ZNG1F: variants seen among roughly 807,000 people sequenced by gnomAD.
ZNG1F encodes zinc-regulated GTPase metalloprotein activator 1F.
chr9:41,174,236 A>AAAG, the ZNG1F span: 1 of 441,748 alleles, frequency 2.3e-6, no homozygotes, highest in Non-Finnish European at 3.2e-6. Context: ...GTCTCAGAAA[A>AAAG]AAAAAAAAAA....
the ZNG1F span, chr9:41,158,638 C>A: frequency 1.6e-5 from 1 of 60,870 alleles, no homozygotes. Context: ...CACTCTTTTA[C>A]AGAAAATAAT....
At chr9:41,145,646 T>C in the ZNG1F span, 335 of 61,310 alleles carry the variant, frequency 5.5e-3, 34 homozygotes, top group African/African-American at 0.015. Context: ...TTCCAACAGG[T>C]TTAATACAAA....
the ZNG1F span, chr9:41,174,427 T>C: frequency 6.3e-7 from 1 of 1,582,474 alleles, no homozygotes; most frequent in Non-Finnish European, 8.5e-7. Flanking sequence ...ATGTTTTAAT[T>C]TGCCCTGATA....
At chr9:41,165,060 G>A in the ZNG1F span, 13 of 1,579,400 alleles carry the variant, frequency 8.2e-6, no homozygotes, top group Admixed American at 1.7e-5. Flanking sequence ...TTTTATTAAT[G>A]AGAATGATAT....
the ZNG1F span, among the ~76,000 whole-genome samples, chr9:41,200,825 A>T: frequency 1.3e-5 from 2 of 152,136 alleles, no homozygotes; most frequent in East Asian, 3.9e-4. Flanking sequence ...ACCTTTTTAA[A>T]ACCATCAGAT....
At chr9:41,165,105 A>C in the ZNG1F span, 5 of 1,555,988 alleles carry the variant, frequency 3.2e-6, no homozygotes, top group Admixed American at 3.5e-5. Context: ...AGCAAACAAA[A>C]AGAAATGTTA....
At chr9:41,183,217 C>A in the ZNG1F span, among the ~76,000 whole-genome samples, 1 of 87,404 alleles carries the variant, frequency 1.1e-5, no homozygotes, top group South Asian at 2.8e-4. Context: ...TTTTGATAGT[C>A]ATTTTTTTTT....
chr9:41,184,861 GA>G, the ZNG1F span, among the ~76,000 whole-genome samples: 7 of 108,642 alleles, frequency 6.4e-5, no homozygotes, highest in East Asian at 1.1e-3. Context: ...ATAAGATGAT[GA>G]AAAAAACAGT....
At chr9:41,183,547 G>A in the ZNG1F span, 7 of 1,583,254 alleles carry the variant, frequency 4.4e-6, 1 homozygote, top group African/African-American at 5.7e-5. Context: ...CATGTACACA[G>A]TAAACACATT....
chr9:41,149,615 A>T, the ZNG1F span, among the ~76,000 whole-genome samples: 1 of 148,814 alleles, frequency 6.7e-6, no homozygotes, highest in Non-Finnish European at 1.5e-5. Context: ...TGTGTCAGGT[A>T]ATTAAAATAG....
the ZNG1F span, among the ~76,000 whole-genome samples, chr9:41,169,854 T>TG: frequency 1.4e-4 from 20 of 144,310 alleles, no homozygotes; most frequent in Non-Finnish European, 2.0e-4. Context: ...TCAATAAAGC[T>TG]GGGGGGTTAG....
At chr9:41,169,772 GATA>G in the ZNG1F span, among the ~76,000 whole-genome samples, 1 of 148,224 alleles carries the variant, frequency 6.7e-6, no homozygotes, top group African/African-American at 2.5e-5. Context: ...TGAGGTGATG[GATA>G]ATGTTTGATA....
the ZNG1F span, among the ~76,000 whole-genome samples, chr9:41,178,861 C>T: frequency 2.4e-5 from 3 of 125,130 alleles, no homozygotes; most frequent in Middle Eastern, 4.3e-3. Flanking sequence ...CCACCGAGCC[C>T]GGCCAGCAAC....
the ZNG1F span, among the ~76,000 whole-genome samples, chr9:41,160,289 C>T: frequency 1.2e-4 from 7 of 57,344 alleles, no homozygotes; most frequent in Non-Finnish European, 2.1e-4. Flanking sequence ...TCTACACATG[C>T]TTATAGCAGT....
At chr9:41,178,886 G>A in the ZNG1F span, among the ~76,000 whole-genome samples, 1 of 132,518 alleles carries the variant, frequency 7.5e-6, no homozygotes, top group African/African-American at 2.7e-5. Flanking sequence ...TTTTAATGGA[G>A]ATGAAATGGC....
chr9:41,194,834 GC>G, the ZNG1F span, among the ~76,000 whole-genome samples: 1 of 78,584 alleles, frequency 1.3e-5, no homozygotes, highest in African/African-American at 4.5e-5. Context: ...CTAGGTGGGA[GC>G]AGAGCAGAGC....
chr9:41,132,064 A>G, the ZNG1F span: 1 of 1,508,372 alleles, frequency 6.6e-7, no homozygotes, highest in Non-Finnish European at 8.9e-7. Context: ...AAGTCCTAAC[A>G]AGCTTTTACG....
At chr9:41,175,018 G>A in the ZNG1F span, among the ~76,000 whole-genome samples, 5 of 110,538 alleles carry the variant, frequency 4.5e-5, no homozygotes, top group South Asian at 3.4e-4. Flanking sequence ...ATGCCACAAC[G>A]CAAGAAAAAG....
chr9:41,203,931 TCTTGTTGTCA>T, the ZNG1F span, among the ~76,000 whole-genome samples: 1 of 19,190 alleles, frequency 5.2e-5, no homozygotes. Flanking sequence ...TTTGTTTTTT[TCTTGTTGTCA>T]TTTTGTTTTG....
Sources: allele counts gnomAD v4.1 joint callset (sites outside exome capture counted in the v4.1 genomes callset), GRCh38; gene constraint gnomAD v4.1.1; transcripts MANE v1.5; gene names NCBI Gene and HGNC (gene_info 2026-07-23, HGNC 2026-07-21).